The following PDZRN3 variants were observed in gnomAD, a reference collection of about 807,000 sequenced individuals.
PDZRN3 encodes the protein E3 ubiquitin-protein ligase PDZRN3.
Under a neutral mutation model 85.7 loss-of-function variants are expected in PDZRN3, and 38 were observed. The observed-to-expected ratio is 0.44, with a 90% confidence interval of 0.34 to 0.58. The LOEUF is 0.58. Ranked by LOEUF, PDZRN3 falls within the 20% of genes least tolerant of loss-of-function variation. PDZRN3 has a pLI of 0.01. For synonymous variants in PDZRN3, 759 were observed against 638.0 expected (o/e 1.19, Z -2.86); for missense variants, 1,629 against 1,506.4 (o/e 1.08, Z -1.35).
chr3:73,413,285 A>C (rs1702009414), intron 3 of PDZRN3, among the ~76,000 whole-genome samples: 1 of 152,202 alleles, frequency 6.6e-6, no homozygotes, highest in African/African-American at 2.4e-5. Flanking sequence ...TAAAAAGTCC[A>C]GCTGCCAAAT....
At chr3:73,560,383 A>G (rs1488879270) in intron 3 of PDZRN3, among the ~76,000 whole-genome samples, 1 of 152,168 alleles carries the variant, frequency 6.6e-6, no homozygotes, top group African/African-American at 2.4e-5. Flanking sequence ...CTCGAGGCTG[A>G]GTGCTCCTCA....
chr3:73,600,333 A>ACTCTCT lies in PDZRN3; in HGVS notation c.918+2020_918+2021insAGAGAG, dbSNP rs1415189079. Among the ~76,000 whole-genome samples the ACTCTCT allele has an allele frequency of 3.6e-3, 137 of 38,438 alleles. No individual in the cohort carries two copies. In the East Asian group the frequency reaches 0.063, roughly 18 times the overall value. The allele number at this position is 38,438 out of a possible 152,430, so 25.2% of individuals were successfully genotyped here. On this transcript the variant is annotated intron_variant, in intron 3 of 9. Transcript: ENST00000263666. ...CACACACACACACACACACACACAC[A>ACTCTCT]CACACTCTCTCTCTCTCTCTCTCTC... is the stretch of plus-strand genomic sequence containing the variant.
chr3:73,573,679 G>A (rs527567184), intron 3 of PDZRN3, among the ~76,000 whole-genome samples: 64 of 152,230 alleles, frequency 4.2e-4, no homozygotes, highest in Non-Finnish European at 8.1e-4. Context: ...AAAGGTGAGC[G>A]TCAGAGATGG....
At chr3:73,425,600 GAA>G (rs61097259) in intron 3 of PDZRN3, among the ~76,000 whole-genome samples, 39 of 143,650 alleles carry the variant, frequency 2.7e-4, no homozygotes, top group Admixed American at 6.2e-4. Context: ...CAAATAAGAA[GAA>G]AAAAAAAAAA....
intron 3 of PDZRN3, among the ~76,000 whole-genome samples, chr3:73,422,562 A>G (rs1702225417): frequency 1.3e-5 from 2 of 152,180 alleles, no homozygotes; most frequent in South Asian, 4.1e-4. Context: ...AAAAAATACA[A>G]CACTGGAACT....
chr3:73,419,377 C>G (rs1263507319), intron 3 of PDZRN3, among the ~76,000 whole-genome samples: 4 of 152,118 alleles, frequency 2.6e-5, no homozygotes, highest in Non-Finnish European at 5.9e-5. Context: ...GTGTAGTTAT[C>G]AAGTGTGCCC....
At chr3:73,400,870 T>G in intron 5 of PDZRN3, 52 bp downstream of exon 5, 1 of 1,248,760 alleles carries the variant, frequency 8.0e-7, no homozygotes, top group Non-Finnish European at 1.2e-6. Flanking sequence ...TTATTAGGCA[T>G]TCTGTGTTCT....
chr3:73,573,096 T>C (rs1308074787), intron 3 of PDZRN3, among the ~76,000 whole-genome samples: 4 of 152,132 alleles, frequency 2.6e-5, no homozygotes, highest in African/African-American at 9.7e-5. Context: ...TCTGTTGAAA[T>C]GCTGATCTGT....
intron 3 of PDZRN3, among the ~76,000 whole-genome samples, chr3:73,543,776 T>A (rs1352629401): frequency 6.6e-6 from 1 of 152,192 alleles, no homozygotes; most frequent in Non-Finnish European, 1.5e-5. Flanking sequence ...ACCTTTAACA[T>A]CTAAAACAGA....
intron 3 of PDZRN3, among the ~76,000 whole-genome samples, chr3:73,423,688 A>T (rs750401225): frequency 1.3e-5 from 2 of 152,168 alleles, no homozygotes; most frequent in African/African-American, 2.4e-5. Flanking sequence ...TTATATATAT[A>T]TTTTTAAAAG....
chr3:73,486,125 G>A (rs534779978), intron 3 of PDZRN3, among the ~76,000 whole-genome samples: 13 of 152,346 alleles, frequency 8.5e-5, no homozygotes, highest in African/African-American at 3.1e-4. Flanking sequence ...CACGCTGCAA[G>A]AAGAGACTGC....
intron 3 of PDZRN3, among the ~76,000 whole-genome samples, chr3:73,433,419 T>A (rs1181865334): frequency 6.6e-6 from 1 of 152,254 alleles, no homozygotes; most frequent in Non-Finnish European, 1.5e-5. Flanking sequence ...ACCATCAACA[T>A]CTATTTATAT....
intron 3 of PDZRN3, among the ~76,000 whole-genome samples, chr3:73,430,779 C>A (rs1007670374): frequency 6.6e-6 from 1 of 152,182 alleles, no homozygotes; most frequent in Non-Finnish European, 1.5e-5. Context: ...CCATTACTCC[C>A]AGAACATGAG....
intron 3 of PDZRN3, among the ~76,000 whole-genome samples, chr3:73,436,817 G>C (rs1445472707): frequency 6.6e-6 from 1 of 152,046 alleles, no homozygotes; most frequent in African/African-American, 2.4e-5. Flanking sequence ...GGAGGCTGAG[G>C]TGGGCGGATC....
rs910161645 is a variant in PDZRN3 at position 73,408,059 on chromosome 3, C to T, written c.919-3664G>A. 6 of 667,754 alleles carry T rather than the reference C, an allele frequency of 9.0e-6. No individual in the cohort carries two copies. In the Admixed American group the frequency reaches 9.0e-5, roughly 10 times the overall value. The allele number at this position is 667,754 out of a possible 1,614,324, so 41.4% of individuals were successfully genotyped here. ...AGAAACGCATTTCTGACAACTGTGC[C>T]CAAGAAAACAATTTTAGTAGCCCAT... On this transcript the variant is annotated intron_variant, in intron 3 of 9. Coordinates refer to ENST00000263666, the MANE Select transcript of PDZRN3 (RefSeq NM_015009.3).
intron 3 of PDZRN3, among the ~76,000 whole-genome samples, chr3:73,470,663 C>T (rs755893284): frequency 7.2e-5 from 11 of 152,156 alleles, no homozygotes; most frequent in Non-Finnish European, 1.3e-4. Flanking sequence ...CTTCTGGAAA[C>T]AATGCACAGA....
intron 3 of PDZRN3, among the ~76,000 whole-genome samples, chr3:73,573,583 G>C (rs1336046072): frequency 1.3e-5 from 2 of 152,150 alleles, no homozygotes; most frequent in Non-Finnish European, 2.9e-5. Flanking sequence ...AAGACTGCAT[G>C]ACCCCCAAAG....
intron 3 of PDZRN3, among the ~76,000 whole-genome samples, chr3:73,424,805 T>G (rs142238605): frequency 6.6e-6 from 1 of 152,202 alleles, no homozygotes; most frequent in African/African-American, 2.4e-5. Flanking sequence ...ATAGTCAGGG[T>G]GAAGCAAATT....
intron 3 of PDZRN3, among the ~76,000 whole-genome samples, chr3:73,554,032 A>G (rs1701629461): frequency 6.6e-6 from 1 of 152,222 alleles, no homozygotes; most frequent in Non-Finnish European, 1.5e-5. Context: ...GTAGAGGCCC[A>G]TGAGGCCTGG....
Sources: gnomAD v4.1 joint callset for allele counts (sites outside exome capture counted in the v4.1 genomes callset) on GRCh38, gnomAD v4.1.1 for gene constraint, MANE v1.5 for transcripts, NCBI Gene and HGNC (gene_info 2026-07-23, HGNC 2026-07-21) for gene names.